The following ZNF219 variants were observed in gnomAD, a reference collection of about 807,000 sequenced individuals.
ZNF219 encodes zinc finger protein 219.
ZNF219 carries 17 observed loss-of-function variants against 54.4 expected under a neutral mutation model. The ratio of observed to expected loss-of-function variants is 0.31; its 90% CI spans 0.21 to 0.47. The LOEUF is 0.47. Ranked by LOEUF, ZNF219 falls within the 20% of genes least tolerant of loss-of-function variation. The pLI, the probability that ZNF219 is intolerant of heterozygous loss-of-function variation, is 1.00. For missense variants in ZNF219, 1,014 were observed against 1,062.3 expected, an observed-to-expected ratio of 0.95 and a Z score of 0.63; for synonymous variants, 518 against 476.4, an observed-to-expected ratio of 1.09 and a Z score of -1.14.
At chr14:21,096,857 T>C (rs573985531) in intron 1 of ZNF219, among the ~76,000 whole-genome samples, 2 of 152,328 alleles carry the variant, frequency 1.3e-5, no homozygotes, top group South Asian at 2.1e-4. Context: ...CCACAAAGAC[T>C]GTCCCTCAAG....
Position 21,091,965 on chromosome 14 carries a change from C to T in ZNF219, c.1332G>A (p.Arg444=), listed in dbSNP as rs751986456. ...GCAGGGAAGCCAGAGAGCCCAGCGA[C>T]CTGCCCCGGGCCCAGGTTTCCTCCT... ...EAEEETWARG[R]SLGSLASLHP... is the part of the protein sequence containing the mutation. The change falls in exon 3 of 5, where the codon AGG becomes AGA. Residue 444 remains arginine, a synonymous_variant. Coordinates refer to ENST00000360947, the MANE Select transcript of ZNF219 (RefSeq NM_016423.3). 5 of 1,582,130 alleles carry T rather than the reference C, an allele frequency of 3.2e-6. No individual in the cohort carries two copies. The highest frequency in any genetic ancestry group is 4.3e-6 in the Non-Finnish European group (5 of 1,164,854).
chr14:21,103,014 G>C, upstream of ZNF219: 1 of 1,484,414 alleles, frequency 6.7e-7, no homozygotes. Context: ...TTAGGAAGCT[G>C]CCTAAATATT....
chr14:21,102,281 C>T, upstream of ZNF219: 4 of 1,408,748 alleles, frequency 2.8e-6, no homozygotes, highest in Non-Finnish European at 3.9e-6. Context: ...GTTAAGAGGG[C>T]TTATGGCCCT....
chr14:21,092,763 G>T lies in ZNF219; in HGVS notation c.534C>A (p.Arg178=). 1 of 1,580,384 alleles carries T rather than the reference G, an allele frequency of 6.3e-7. No individual in the cohort carries two copies. The highest frequency in any genetic ancestry group is 8.6e-7 in the Non-Finnish European group (1 of 1,162,816). ...CKGKFRTSAE[R]ERHLHILHRP... is the part of the protein sequence containing the mutation. ...TATGCAGGATGTGCAGGTGGCGTTC[G>T]CGCTCCGCCGAGGTGCGAAACTTGC... Residue 178 remains arginine, a synonymous_variant, in exon 3 of 5, where the codon CGC becomes CGA. Coordinates refer to ENST00000360947, the MANE Select transcript of ZNF219 (RefSeq NM_016423.3).
Position 21,093,256 on chromosome 14 carries a change from G to C in ZNF219, c.41C>G (p.Ala14Gly). 1 of 1,595,676 alleles carries C rather than the reference G, an allele frequency of 6.3e-7. No individual in the cohort carries two copies. Among genetic ancestry groups the C allele is most frequent in the Non-Finnish European group, 8.5e-7 (1 of 1,177,622 alleles). Reference sequence around the variant, plus strand: ...GCCGTCGAAAGCCGGCGGCGACGGCGCTAAGTGGCCGCTCGGGGCGCGGGG... The same window carrying C: ...GCCGTCGAAAGCCGGCGGCGACGGCCCTAAGTGGCCGCTCGGGGCGCGGGG... ...SRPRAPSGHL[A>G]PSPPAFDGEL... Residue 14 changes from alanine (A) to glycine (G), a missense_variant, in exon 3 of 5, where the codon GCG (alanine) becomes GGG (glycine). Ala to Gly is a moderately conservative substitution (Grantham distance 60). This residue lies in a region of ZNF219 where 395 missense variants were observed against 415.1 expected (regional missense o/e 0.95). Coordinates refer to ENST00000360947, the MANE Select transcript of ZNF219 (RefSeq NM_016423.3).
Position 21,092,440 on chromosome 14 carries a change from G to A in ZNF219, c.857C>T (p.Ser286Phe). The A allele has an allele frequency of 6.4e-7, 1 of 1,562,924 alleles. No homozygotes were observed. Reference sequence around the variant, plus strand: ...ACGCATGTGGCCCTTGAGAAACCAAGACTGTGTAAAGCTCTGGCCGCACAC... The same window carrying A: ...ACGCATGTGGCCCTTGAGAAACCAAAACTGTGTAAAGCTCTGGCCGCACAC... The part of the protein sequence containing the change: ...CQVCGQSFTQ[S>F]WFLKGHMRKH... Residue 286 changes from serine to phenylalanine, a missense_variant, in exon 3 of 5, where the codon TCT (serine) becomes TTT (phenylalanine). Transcript: ENST00000360947.
At chr14:21,103,114 G>C (rs1889751851), upstream of ZNF219, 2 of 1,551,508 alleles carry the variant, frequency 1.3e-6, no homozygotes, top group Admixed American at 2.0e-5. Context: ...TCTACAATTT[G>C]CTCACACCTG....
rs1409670532 is a variant in ZNF219 at position 21,090,204 on chromosome 14, C to T, written c.*332G>A. 7 of 569,346 alleles carry T rather than the reference C, an allele frequency of 1.2e-5. No individual in the cohort carries two copies. Among genetic ancestry groups the T allele is most frequent in the African/African-American group, 9.2e-5 (5 of 54,086 alleles). 35.3% of individuals were successfully genotyped at this position (569,346 alleles called of 1,614,324 possible). On this transcript the variant is annotated 3_prime_UTR_variant, in exon 5 of 5. Coordinates refer to ENST00000360947, the MANE Select transcript of ZNF219 (RefSeq NM_016423.3). The surrounding 1 kb of genome is among the most constrained non-coding windows in gnomAD (Gnocchi z 4.4). ...AGAAGGGTACAGTGCCCCCCACCCT[C>T]ACCCCTTGTACAAAAATAAACTCTC...
At chr14:21,104,254 C>A (rs937886897) in intron 1 of ZNF219, 1 of 152,248 alleles carries the variant, frequency 6.6e-6, no homozygotes, top group Non-Finnish European at 1.5e-5. Context: ...ATCTCCAACG[C>A]GGGAGCGGGA....
Position 21,092,381 on chromosome 14 carries a change from C to G in ZNF219, c.916G>C (p.Val306Leu), listed in dbSNP as rs988453103. 1 of 1,575,892 alleles carries G rather than the reference C, an allele frequency of 6.3e-7. No homozygotes were observed. Among genetic ancestry groups the G allele is most frequent in the Non-Finnish European group, 8.6e-7 (1 of 1,161,268 alleles). The change falls in exon 3 of 5, where the codon GTG becomes CTG. Residue 306 changes from valine to leucine, a missense_variant. Around this residue, in one of 5 missense-constraint regions of ZNF219, gnomAD observed 28 missense variants for 59.8 expected, o/e 0.47. Coordinates refer to ENST00000360947, the MANE Select transcript of ZNF219 (RefSeq NM_016423.3). ...HKASFDHACP[V>L]CGRCFKEPWF... Reference sequence around the variant, plus strand: ...GGCTCCTTGAAGCAGCGGCCGCACACCGGACACGCATGATCGAAGGAGGCC... The same window carrying G: ...GGCTCCTTGAAGCAGCGGCCGCACAGCGGACACGCATGATCGAAGGAGGCC...
upstream of ZNF219, chr14:21,101,947 C>G: frequency 6.4e-7 from 1 of 1,551,686 alleles, no homozygotes; most frequent in Non-Finnish European, 8.7e-7. Flanking sequence ...CACATGGCCA[C>G]AGCGCTGCCT....
At chr14:21,101,133 G>T, upstream of ZNF219, 1 of 470,750 alleles carries the variant, frequency 2.1e-6, no homozygotes. Flanking sequence ...CCCCTTAGGA[G>T]ACCTAGGACC....
intron 3 of ZNF219, 101 bp from the exon 4 acceptor site, chr14:21,091,643 G>A: frequency 6.7e-7 from 1 of 1,498,356 alleles, no homozygotes; most frequent in Non-Finnish European, 8.9e-7. Context: ...TCCCCTCGGG[G>A]TCCAGGAGGA....
rs749056740 is a variant in ZNF219 at position 21,093,686 on chromosome 14, G to A, written c.-83-12C>T. On this transcript the variant is annotated splice_polypyrimidine_tract_variant and intron_variant, in intron 1 of 4. Transcript: ENST00000360947. ...CAGGTGCTGTGGAGCTAAAGCAAGA[G>A]ACAGATTTGGAGGAAAAGATGAGCC... 1.1e-4 allele frequency: 182 copies of A among 1,612,676 alleles called. No homozygotes were observed. Among genetic ancestry groups the A allele is most frequent in the Non-Finnish European group, 1.5e-4 (179 of 1,179,114 alleles).
chr14:21,094,876 C>A (rs1889207189), intron 1 of ZNF219, among the ~76,000 whole-genome samples: 1 of 148,218 alleles, frequency 6.7e-6, no homozygotes, highest in East Asian at 2.0e-4. Flanking sequence ...AGAATAGTAT[C>A]TGGTCAAGGC....
chr14:21,101,290 A>G (rs1889611605), upstream of ZNF219: 3 of 1,500,740 alleles, frequency 2.0e-6, no homozygotes, highest in South Asian at 1.2e-5. Flanking sequence ...GACAGAACCT[A>G]TAACGCATTT....
At chr14:21,091,329 C>T in intron 4 of ZNF219, 82 bp downstream of exon 4, 2 of 1,536,776 alleles carry the variant, frequency 1.3e-6, no homozygotes, top group Non-Finnish European at 1.8e-6. Flanking sequence ...TCGGAACAAA[C>T]TTCACCTCCT....
rs1222061669 is a variant in ZNF219 at position 21,098,432 on chromosome 14, C to T, written c.-204G>A. On this transcript the variant is annotated 5_prime_UTR_variant, in exon 1 of 5. Transcript: ENST00000360947. ...GGGGAGATGCGCCGGGCCCCGGCCCCCCCGCCCCCGGCCCGGCCCCCGCCC... is the reference window on the plus strand; with the variant it reads ...GGGGAGATGCGCCGGGCCCCGGCCCTCCCGCCCCCGGCCCGGCCCCCGCCC... 1.5e-6 allele frequency: 1 copy of T among 664,648 alleles called. No individual in the cohort carries two copies. The highest frequency in any genetic ancestry group is 2.0e-5 in the African/African-American group (1 of 49,736). 41.2% of individuals were successfully genotyped at this position (664,648 alleles called of 1,614,324 possible).
upstream of ZNF219, chr14:21,098,692 G>A: frequency 2.0e-6 from 2 of 1,022,956 alleles, no homozygotes; most frequent in East Asian, 1.0e-4. Flanking sequence ...AAGGGAGGGA[G>A]CGGGGGTGGG....
Sources: gnomAD v4.1 joint callset for allele counts (sites outside exome capture counted in the v4.1 genomes callset) on GRCh38, gnomAD v4.1.1 for gene constraint, gnomAD v4.1.1 regional missense constraint, Gnocchi (gnomAD v3.1) non-coding constraint, MANE v1.5 for transcripts, NCBI Gene and HGNC (gene_info 2026-07-23, HGNC 2026-07-21) for gene names.